The following TRPM3 variants were observed in gnomAD, a reference collection of about 807,000 sequenced individuals.
The protein encoded by TRPM3 is transient receptor potential cation channel subfamily M member 3.
TRPM3 carries 77 observed loss-of-function variants against 181.2 expected under a neutral mutation model. The observed-to-expected ratio is 0.42, with a 90% CI of 0.35 to 0.51. The LOEUF is 0.51. Among genes scored for constraint, TRPM3 ranks in the 20% least tolerant of loss-of-function variants. The probability of loss-of-function intolerance (pLI) is 0.01; values close to 1 mark genes in which losing one functional copy is unlikely to be tolerated. For missense variants in TRPM3, 1,759 were observed against 2,196.7 expected (o/e 0.80, Z 3.98); for synonymous variants, 745 against 796.4 (o/e 0.94, Z 1.09).
intron 5 of TRPM3, among the ~76,000 whole-genome samples, chr9:70,828,602 C>G (rs2093696217): frequency 6.6e-6 from 1 of 151,834 alleles, no homozygotes; most frequent in Non-Finnish European, 1.5e-5. Flanking sequence ...GAATCAGGCC[C>G]AAAATGTTCA....
intron 1 of TRPM3, among the ~76,000 whole-genome samples, chr9:70,999,891 T>C (rs1300931413): frequency 6.6e-6 from 1 of 152,132 alleles, no homozygotes; most frequent in African/African-American, 2.4e-5. Context: ...CAGAAGTCAG[T>C]TGGGGGAAAG....
chr9:71,162,083 C>T (rs191541162), intron 1 of TRPM3, among the ~76,000 whole-genome samples: 1 of 150,964 alleles, frequency 6.6e-6, no homozygotes, highest in Non-Finnish European at 1.5e-5. Flanking sequence ...TTCTGTAATT[C>T]CAACTACTGA....
chr9:70,602,066 C>A (rs1203697282), intron 20 of TRPM3, among the ~76,000 whole-genome samples: 2 of 149,088 alleles, frequency 1.3e-5, no homozygotes, highest in African/African-American at 4.9e-5. Flanking sequence ...AATGGGAAGA[C>A]CGAAGTGCAG....
At chr9:71,337,403 A>T (rs1172848281) in intron 1 of TRPM3, among the ~76,000 whole-genome samples, 1 of 152,168 alleles carries the variant, frequency 6.6e-6, no homozygotes, top group Non-Finnish European at 1.5e-5. Context: ...TTAGAATGGC[A>T]ATCATTAAAA....
intron 1 of TRPM3, among the ~76,000 whole-genome samples, chr9:71,027,155 G>A (rs2056656873): frequency 6.6e-6 from 1 of 152,132 alleles, no homozygotes. Flanking sequence ...CAAAGCCAGG[G>A]CCCAATATCA....
chr9:71,365,401 C>A (rs922423115), intron 1 of TRPM3, among the ~76,000 whole-genome samples: 2 of 152,042 alleles, frequency 1.3e-5, no homozygotes, highest in Non-Finnish European at 2.9e-5. Context: ...TTTTATTTTT[C>A]TCATCTTATA....
rs111933253 is a variant in TRPM3 at position 70,638,330 on chromosome 9, C to T, written c.1581+730G>A. ...TGTTTATAAATTACTGAGTCTAAGG[C>T]ATCTTATTATCATAGTACAAATGGA... On this transcript the variant is annotated intron_variant, in intron 11 of 25. Transcript: ENST00000677713. Among the ~76,000 whole-genome samples, 280 of 152,226 alleles carry T rather than the reference C, an allele frequency of 1.8e-3. 1 individual carries two copies. The highest frequency in any genetic ancestry group is 2.5e-3 in the Non-Finnish European group (173 of 68,020).
At chr9:71,295,519 T>C (rs76839844) in intron 1 of TRPM3, among the ~76,000 whole-genome samples, 1,668 of 151,826 alleles carry the variant, frequency 0.011, 27 homozygotes, top group East Asian at 0.075. Flanking sequence ...AGTATGAACA[T>C]GTATCTAAAG....
Position 71,217,741 on chromosome 9 carries a change from G to C in TRPM3, c.183+228912C>G, listed in dbSNP as rs138637478. Among the ~76,000 whole-genome samples, 33 of 152,192 alleles carry C rather than the reference G, an allele frequency of 2.2e-4. No individual in the cohort carries two copies. In the East Asian group the frequency reaches 5.6e-3, roughly 26 times the overall value. ...TCTGGGGAAAGTGAGGTAATCCACC[G>C]GGGAACCAACCAAACAAACAAACCT... On this transcript the variant is annotated intron_variant, in intron 1 of 24. Coordinates refer to the TRPM3 transcript ENST00000357533.
chr9:71,110,206 T>G (rs890413368), intron 1 of TRPM3, among the ~76,000 whole-genome samples: 2 of 152,038 alleles, frequency 1.3e-5, no homozygotes, highest in Non-Finnish European at 2.9e-5. Context: ...CCTAAGTAAA[T>G]TCAAGAATGT....
rs575490986 is a variant in TRPM3, at chr9:70,581,494, G to A, written c.3223+9537C>T. Among the ~76,000 whole-genome samples, 13 of 152,314 alleles carry A rather than the reference G, an allele frequency of 8.5e-5. 1 individual carries two copies. The South Asian group carries it at 2.7e-3, about 32-fold the overall frequency. On this transcript the variant is annotated intron_variant, in intron 22 of 25. Coordinates refer to ENST00000677713, the MANE Select transcript of TRPM3 (RefSeq NM_001366145.2). Reference sequence around the variant, plus strand: ...ACATATTGAGGTTGCAGGCTTATTTGGACTCTGTCACATCTGAGGAAAGGC... The same window carrying A: ...ACATATTGAGGTTGCAGGCTTATTTAGACTCTGTCACATCTGAGGAAAGGC...
At chr9:71,095,775 AAAAG>A (rs1554824412) in intron 1 of TRPM3, among the ~76,000 whole-genome samples, 1 of 150,880 alleles carries the variant, frequency 6.6e-6, no homozygotes, top group Non-Finnish European at 1.5e-5. Flanking sequence ...AAAAAAAAAA[AAAAG>A]AAAGAAAGAA....
At chr9:70,641,460 CT>C (rs1017981322) in intron 9 of TRPM3, among the ~76,000 whole-genome samples, 1 of 152,138 alleles carries the variant, frequency 6.6e-6, no homozygotes, top group African/African-American at 2.4e-5. Context: ...TTAGGAAGGT[CT>C]TTTAACAGAG....
chr9:70,949,460 T>C (rs542593261), intron 1 of TRPM3, among the ~76,000 whole-genome samples: 1 of 151,662 alleles, frequency 6.6e-6, no homozygotes, highest in Admixed American at 6.6e-5. Context: ...CACCTTCCAG[T>C]AAAAGGAGGA....
chr9:71,207,101 C>G (rs2131773283), intron 1 of TRPM3, among the ~76,000 whole-genome samples: 1 of 152,106 alleles, frequency 6.6e-6, no homozygotes, highest in South Asian at 2.1e-4. Flanking sequence ...TGTTATACAT[C>G]TGGTAACTGA....
chr9:71,080,634 C>T (rs1462194597), intron 1 of TRPM3, among the ~76,000 whole-genome samples: 2 of 152,066 alleles, frequency 1.3e-5, no homozygotes, highest in Non-Finnish European at 2.9e-5. Context: ...CCTGGTCATC[C>T]CCAACTCCAA....
intron 6 of TRPM3, among the ~76,000 whole-genome samples, chr9:70,788,003 TGA>T (rs1326024055): frequency 1.7e-5 from 2 of 118,720 alleles, no homozygotes; most frequent in African/African-American, 7.4e-5. Flanking sequence ...CTCACTATCC[TGA>T]CTTTTTTTTT....
chr9:70,884,142 G>C (rs540465926), intron 1 of TRPM3, among the ~76,000 whole-genome samples: 4 of 152,220 alleles, frequency 2.6e-5, no homozygotes, highest in African/African-American at 7.2e-5. Flanking sequence ...TAGGGAGTCA[G>C]TGTTAGGGTG....
At chr9:70,906,126 T>G (rs1248029966) in intron 1 of TRPM3, among the ~76,000 whole-genome samples, 1 of 152,162 alleles carries the variant, frequency 6.6e-6, no homozygotes, top group Non-Finnish European at 1.5e-5. Context: ...TTGTTCTTCC[T>G]TGACAACTTA....
Sources: allele counts gnomAD v4.1 joint callset (sites outside exome capture counted in the v4.1 genomes callset), GRCh38; gene constraint gnomAD v4.1.1; transcripts MANE v1.5; gene names NCBI Gene and HGNC (gene_info 2026-07-23, HGNC 2026-07-21).